The following C10orf67 variants were observed in gnomAD, a reference collection of about 807,000 sequenced individuals.
C10orf67 encodes the protein chromosome 10 open reading frame 67.
Under a neutral mutation model 35.6 loss-of-function variants are expected in C10orf67, and 60 were observed. The observed-to-expected ratio is 1.68, with a 90% CI of 1.37 to 2.09. The LOEUF (loss-of-function observed/expected upper bound fraction) is 2.09, where lower values mean the gene tolerates loss of function less well. C10orf67 is among the 30% of genes most tolerant of loss of function. The pLI is 0.00. For missense variants in C10orf67, 474 were observed against 330.2 expected (o/e 1.44, Z -3.38); for synonymous variants, 167 against 115.8 (o/e 1.44, Z -2.84).
At chr10:23,300,278 C>A (rs1405964727) in intron 5 of C10orf67, among the ~76,000 whole-genome samples, 1 of 152,180 alleles carries the variant, frequency 6.6e-6, no homozygotes, top group South Asian at 2.1e-4. Flanking sequence ...ATAGACCGCA[C>A]TGGAAGCAAG....
At chr10:23,220,233 C>T (rs1841542339) in intron 15 of C10orf67, among the ~76,000 whole-genome samples, 2 of 152,014 alleles carry the variant, frequency 1.3e-5, no homozygotes, top group Admixed American at 1.3e-4. Context: ...TTTAGGGCAT[C>T]ATTGCTTTCA....
Position 23,279,394 on chromosome 10 carries a change from C to T in C10orf67, c.975+2619G>A, listed in dbSNP as rs185721904. 3.7e-3 allele frequency among the ~76,000 whole-genome samples: 561 copies of T among 152,366 alleles called. 3 individuals carry two copies. The highest frequency in any genetic ancestry group is 5.6e-3 in the South Asian group (27 of 4,828). ...TTCCTAACTGGATGGCCAAATACTG[C>T]CACATGACATATAACAGGACTGCAC... On this transcript the variant is annotated intron_variant, in intron 8 of 15. Coordinates refer to ENST00000636213, the MANE Select transcript of C10orf67 (RefSeq NM_001371909.1).
intron 13 of C10orf67, among the ~76,000 whole-genome samples, chr10:23,229,575 A>G (rs1278876729): frequency 1.3e-5 from 2 of 152,190 alleles, no homozygotes; most frequent in Non-Finnish European, 2.9e-5. Flanking sequence ...TAGAACTTAA[A>G]GTATAATAAT....
At chr10:23,239,431 C>G (rs1222791475) in intron 13 of C10orf67, among the ~76,000 whole-genome samples, 2 of 152,166 alleles carry the variant, frequency 1.3e-5, no homozygotes, top group East Asian at 3.9e-4. Flanking sequence ...AATGGGCAGA[C>G]TGACAGATAT....
chr10:23,336,507 C>T (rs552630798), intron 1 of C10orf67, among the ~76,000 whole-genome samples: 1 of 152,066 alleles, frequency 6.6e-6, no homozygotes, highest in Non-Finnish European at 1.5e-5. Context: ...TTTCTTTCTT[C>T]TCCTTTTTGT....
intron 13 of C10orf67, among the ~76,000 whole-genome samples, chr10:23,233,907 G>C (rs1483153628): frequency 1.3e-5 from 2 of 152,136 alleles, no homozygotes; most frequent in African/African-American, 4.8e-5. Context: ...CATGAGCCAG[G>C]AAACAAACAA....
chr10:23,318,152 A>ATT (rs1844806209), intron 4 of C10orf67: 1 of 460 alleles, frequency 2.2e-3, no homozygotes, highest in Non-Finnish European at 6.5e-3. Context: ...AAAACAAAGA[A>ATT]AAAAAAAAAA....
intron 12 of C10orf67, among the ~76,000 whole-genome samples, chr10:23,247,648 T>C (rs1366764852): frequency 2.0e-5 from 3 of 152,172 alleles, no homozygotes; most frequent in African/African-American, 7.2e-5. Context: ...GACAATTCAA[T>C]GAAATGAGAA....
At chr10:23,231,460 T>C (rs1039771276) in intron 13 of C10orf67, among the ~76,000 whole-genome samples, 1 of 152,226 alleles carries the variant, frequency 6.6e-6, no homozygotes, top group African/African-American at 2.4e-5. Context: ...AAGGAACCTG[T>C]GTACCACTTT....
chr10:23,331,214 A>AG (rs1845450925), intron 2 of C10orf67, among the ~76,000 whole-genome samples: 1 of 3,748 alleles, frequency 2.7e-4, no homozygotes. Context: ...GGAAGAGGGA[A>AG]GGGAAGGGAA....
chr10:23,319,661 T>C (rs1844867754), intron 4 of C10orf67, among the ~76,000 whole-genome samples: 1 of 152,208 alleles, frequency 6.6e-6, no homozygotes, highest in Non-Finnish European at 1.5e-5. Context: ...CTCTGCAACC[T>C]CACCAGCATC....
intron 15 of C10orf67, among the ~76,000 whole-genome samples, chr10:23,208,790 G>A (rs1841227317): frequency 6.6e-6 from 1 of 152,122 alleles, no homozygotes; most frequent in Non-Finnish European, 1.5e-5. Flanking sequence ...TTGGCTAATG[G>A]GATAAGAGCA....
chr10:23,321,696 T>C (rs1008360139), intron 3 of C10orf67, among the ~76,000 whole-genome samples: 6 of 152,258 alleles, frequency 3.9e-5, no homozygotes, highest in Non-Finnish European at 7.3e-5. Context: ...TTTAAGGGCT[T>C]AGCATGGTAC....
At chr10:23,320,661 C>T in intron 4 of C10orf67, 80 bp downstream of exon 4, 2 of 1,099,462 alleles carry the variant, frequency 1.8e-6, no homozygotes, top group Non-Finnish European at 2.7e-6. Flanking sequence ...GACTGGGAAG[C>T]CAAGGTGATC....
intron 8 of C10orf67, among the ~76,000 whole-genome samples, chr10:23,269,376 C>T (rs1842961888): frequency 1.3e-5 from 2 of 152,124 alleles, no homozygotes; most frequent in South Asian, 2.1e-4. Context: ...ATTACAATCA[C>T]TAGAGCGCCT....
At chr10:23,221,249 C>T (rs775256304) in intron 15 of C10orf67, among the ~76,000 whole-genome samples, 5 of 152,048 alleles carry the variant, frequency 3.3e-5, no homozygotes, top group Non-Finnish European at 7.4e-5. Flanking sequence ...AGAGAGACAG[C>T]GAAGTGCCAC....
At chr10:23,276,850 A>G (rs1484617301) in intron 8 of C10orf67, among the ~76,000 whole-genome samples, 1 of 152,190 alleles carries the variant, frequency 6.6e-6, no homozygotes, top group Non-Finnish European at 1.5e-5. Flanking sequence ...ATGTATTAGT[A>G]TTAGTAAATG....
At chr10:23,336,572 T>C (rs1322826970) in intron 1 of C10orf67, among the ~76,000 whole-genome samples, 2 of 152,210 alleles carry the variant, frequency 1.3e-5, no homozygotes, top group East Asian at 3.9e-4. Context: ...TGGAGTGCAG[T>C]GGTGTGATCT....
chr10:23,299,818 C>T lies in C10orf67; in HGVS notation c.702+3486G>A, dbSNP rs112472696. ...CGGTGAAACCCTGTCTCTACTAAAACATACAAAAAATTAGCCGGGTGTGGT... is the reference window on the plus strand; with the variant it reads ...CGGTGAAACCCTGTCTCTACTAAAATATACAAAAAATTAGCCGGGTGTGGT... On this transcript the variant is annotated intron_variant, in intron 5 of 15. Transcript: ENST00000636213. Among the ~76,000 whole-genome samples the T allele has an allele frequency of 6.0e-3, 918 of 151,936 alleles. 4 individuals carry two copies. The highest frequency in any genetic ancestry group is 1.0e-2 in the Non-Finnish European group (676 of 67,904).
Sources: allele counts gnomAD v4.1 joint callset (sites outside exome capture counted in the v4.1 genomes callset), GRCh38; gene constraint gnomAD v4.1.1; transcripts MANE v1.5; gene names NCBI Gene and HGNC (gene_info 2026-07-23, HGNC 2026-07-21).